Variants in NMT2 observed in about 807,000 individuals in gnomAD.
NMT2 encodes the protein glycylpeptide N-tetradecanoyltransferase 2.
In NMT2, 35 loss-of-function variants were observed where a neutral mutation model predicts 65.4. That is an observed-to-expected ratio of 0.54 (90% confidence interval 0.41 to 0.71). NMT2 has a LOEUF of 0.71. NMT2 is among the 30% of genes least tolerant of loss of function. NMT2 has a pLI of 0.00. For synonymous variants in NMT2, 226 were observed against 231.8 expected, an observed-to-expected ratio of 0.98 and a Z score of 0.23; for missense variants, 489 against 611.3, an observed-to-expected ratio of 0.80 and a Z score of 2.11.
chr10:15,122,762 A>G (rs547314870), intron 8 of NMT2, among the ~76,000 whole-genome samples: 1 of 152,190 alleles, frequency 6.6e-6, no homozygotes, highest in Non-Finnish European at 1.5e-5. Flanking sequence ...AGCTTTGCTT[A>G]TGTGGGTTAT....
At chr10:15,142,883 AT>A (rs1053366860) in intron 1 of NMT2, among the ~76,000 whole-genome samples, 1 of 152,126 alleles carries the variant, frequency 6.6e-6, no homozygotes, top group Non-Finnish European at 1.5e-5. Flanking sequence ...AGTTTTGTAT[AT>A]TCTCTGGTTT....
rs1845319622 is a variant in NMT2, at chr10:15,106,831, T to G, written c.*2364A>C. On this transcript the variant is annotated 3_prime_UTR_variant, in exon 12 of 12. Coordinates refer to ENST00000378165, the MANE Select transcript of NMT2 (RefSeq NM_004808.3). ...TGAAAGTGGCTGTGGCCAAGAGTGG[T>G]GGCTCATGTCTATAATCCCAGTACT... The G allele has an allele frequency of 5.6e-6, 1 of 177,352 alleles. No individual in the cohort carries two copies. Among genetic ancestry groups the G allele is most frequent in the East Asian group, 1.9e-4 (1 of 5,300 alleles). The allele number at this position is 177,352 out of a possible 1,614,324, so 11.0% of individuals were successfully genotyped here.
intron 1 of NMT2, among the ~76,000 whole-genome samples, chr10:15,160,909 T>G (rs1833166388): frequency 6.7e-6 from 1 of 150,092 alleles, no homozygotes; most frequent in East Asian, 2.0e-4. Flanking sequence ...AAGAATAAGA[T>G]TACCTATAAA....
chr10:15,114,296 A>G (rs1315273788), intron 9 of NMT2, among the ~76,000 whole-genome samples: 1 of 152,198 alleles, frequency 6.6e-6, no homozygotes, highest in Non-Finnish European at 1.5e-5. Flanking sequence ...CTGCTTTCAG[A>G]AAACTACTTC....
intron 8 of NMT2, among the ~76,000 whole-genome samples, chr10:15,122,582 G>A (rs1212591908): frequency 2.6e-5 from 4 of 152,090 alleles, no homozygotes; most frequent in African/African-American, 9.7e-5. Flanking sequence ...ACCACGCCCA[G>A]CTAATTTTTT....
chr10:15,128,846 A>C (rs1846182839), intron 7 of NMT2, among the ~76,000 whole-genome samples: 1 of 152,148 alleles, frequency 6.6e-6, no homozygotes, highest in Admixed American at 6.6e-5. Flanking sequence ...CTCTACTAAA[A>C]ATACAAAAAT....
chr10:15,127,462 G>A (rs1846112778), intron 8 of NMT2, among the ~76,000 whole-genome samples: 1 of 142,688 alleles, frequency 7.0e-6, no homozygotes, highest in African/African-American at 2.6e-5. Flanking sequence ...CAGGAGAATG[G>A]CGTGAACCCA....
At chr10:15,113,817 A>C (rs946351253) in intron 9 of NMT2, among the ~76,000 whole-genome samples, 29 of 152,204 alleles carry the variant, frequency 1.9e-4, no homozygotes, top group Admixed American at 9.2e-4. Context: ...TTTTGCAGCT[A>C]TCAAAAATAA....
chr10:15,120,725 G>A (rs955067623), intron 8 of NMT2, among the ~76,000 whole-genome samples: 1 of 152,194 alleles, frequency 6.6e-6, no homozygotes, highest in African/African-American at 2.4e-5. Context: ...TGATATAGGA[G>A]TGAATCATAT....
chr10:15,168,672 C>T lies in NMT2; in HGVS notation c.-60G>A, dbSNP rs1425088566. 4 of 1,287,432 alleles carry T rather than the reference C, an allele frequency of 3.1e-6. No homozygotes were observed. The highest frequency in any genetic ancestry group is 2.1e-5 in the Admixed American group (1 of 48,076). 79.8% of individuals were successfully genotyped at this position (1,287,432 alleles called of 1,614,324 possible). ...GCCGGGCCGGAGCGGCCGCAGCTCC[C>T]TCTAGTGCCTCCCGCCGTACTGCTT... On this transcript the variant is annotated 5_prime_UTR_variant, in exon 1 of 12. Coordinates refer to ENST00000378165, the MANE Select transcript of NMT2 (RefSeq NM_004808.3).
At chr10:15,128,562 CGTT>C in intron 7 of NMT2, 104 bp from the exon 8 acceptor site, 1 of 711,630 alleles carries the variant, frequency 1.4e-6, no homozygotes, top group Admixed American at 2.4e-5. Flanking sequence ...TGAATACTTA[CGTT>C]GTACTAGACA....
chr10:15,139,227 G>C (rs1846633159), intron 2 of NMT2, among the ~76,000 whole-genome samples: 1 of 151,822 alleles, frequency 6.6e-6, no homozygotes, highest in African/African-American at 2.4e-5. Flanking sequence ...ATGATCATGT[G>C]AATTAATACT....
chr10:15,161,897 T>C (rs1018690707), intron 1 of NMT2, among the ~76,000 whole-genome samples: 1 of 152,154 alleles, frequency 6.6e-6, no homozygotes, highest in Non-Finnish European at 1.5e-5. Flanking sequence ...GGTAGAATAT[T>C]TTAAATAGTG....
intron 1 of NMT2, among the ~76,000 whole-genome samples, chr10:15,162,509 T>G (rs1368674188): frequency 6.6e-6 from 1 of 151,902 alleles, no homozygotes; most frequent in African/African-American, 2.4e-5. Context: ...CACATGCAAG[T>G]GCTCCATGTG....
At chr10:15,161,799 A>C (rs1833208567) in intron 1 of NMT2, among the ~76,000 whole-genome samples, 1 of 152,238 alleles carries the variant, frequency 6.6e-6, no homozygotes, top group Non-Finnish European at 1.5e-5. Flanking sequence ...AAGGGCAAAA[A>C]TAAAAGAATT....
At position 15,139,870 on chromosome 10, in the gene NMT2, T is replaced by C. The variant is rs1447103348; in HGVS notation, c.246+1552A>G. On this transcript the variant is annotated intron_variant, in intron 2 of 11. Transcript: ENST00000378165. Reference sequence around the variant, plus strand: ...GTAGAATGGTAACAACTACTATATATATATATATATATATATATATATATA... The same window carrying C: ...GTAGAATGGTAACAACTACTATATACATATATATATATATATATATATATA... 127 of 40,548 alleles carry C rather than the reference T, an allele frequency of 3.1e-3. 5 individuals carry two copies. The highest frequency in any genetic ancestry group is 0.028 in the African/African-American group (110 of 3,980). The allele number at this position is 40,548 out of a possible 1,614,324, so 2.5% of individuals were successfully genotyped here.
intron 8 of NMT2, among the ~76,000 whole-genome samples, chr10:15,123,794 C>T (rs1845999405): frequency 6.6e-6 from 1 of 152,138 alleles, no homozygotes; most frequent in East Asian, 1.9e-4. Context: ...CATGGCCCAA[C>T]TAATATGCAT....
In NMT2 at chr10:15,108,581, T is replaced by G. The variant is rs974233020; in HGVS notation, c.*614A>C. ...AAAGATCAAAGTACAAACTTGCATG[T>G]TTATTGATTCGGCAACTCTGCTTAT... is the stretch of plus-strand genomic sequence containing the variant. On this transcript the variant is annotated 3_prime_UTR_variant, in exon 12 of 12. Coordinates refer to ENST00000378165, the MANE Select transcript of NMT2 (RefSeq NM_004808.3). The G allele has an allele frequency of 1.0e-6, 1 of 985,912 alleles. No individual in the cohort carries two copies. Among genetic ancestry groups the G allele is most frequent in the African/African-American group, 1.7e-5 (1 of 57,256 alleles). The allele number at this position is 985,912 out of a possible 1,614,324, so 61.1% of individuals were successfully genotyped here.
intron 10 of NMT2, among the ~76,000 whole-genome samples, chr10:15,111,279 A>G (rs7923273): frequency 0.41 from 61,506 of 151,268 alleles, 17,014 homozygotes; most frequent in African/African-American, 0.8. Context: ...GGGAGGCCGC[A>G]GCAGGTGGAT....
Sources: allele counts gnomAD v4.1 joint callset (sites outside exome capture counted in the v4.1 genomes callset), GRCh38; gene constraint gnomAD v4.1.1; transcripts MANE v1.5; gene names NCBI Gene and HGNC (gene_info 2026-07-23, HGNC 2026-07-21).